Variants in TENM3 observed in about 807,000 individuals in gnomAD.
The protein encoded by TENM3 is teneurin transmembrane protein 3.
Under a neutral mutation model 255.1 loss-of-function variants are expected in TENM3, and 63 were observed. The ratio of observed to expected loss-of-function variants is 0.25; its 90% confidence interval spans 0.20 to 0.30. TENM3 has a LOEUF of 0.30. TENM3 is among the 10% of genes least tolerant of loss of function. The probability of loss-of-function intolerance (pLI) is 1.00; values close to 1 mark genes in which losing one functional copy is unlikely to be tolerated. For missense variants in TENM3, 2,929 were observed against 3,461.1 expected, an observed-to-expected ratio of 0.85 and a Z score of 3.86; for synonymous variants, 1,306 against 1,322.3, an observed-to-expected ratio of 0.99 and a Z score of 0.27.
chr4:181,549,038 T>C, the TENM3 span, among the ~76,000 whole-genome samples: 95,563 of 152,026 alleles, frequency 0.63, 30,552 homozygotes, highest in Non-Finnish European at 0.69. Context: ...GGTAACACAT[T>C]CTTCACAAAC....
chr4:181,784,569 G>C, the TENM3 span, among the ~76,000 whole-genome samples: 1 of 151,968 alleles, frequency 6.6e-6, no homozygotes, highest in East Asian at 1.9e-4. Flanking sequence ...TTCCAACTGT[G>C]TTTTGTCCTT....
chr4:181,828,251 C>G, the TENM3 span, among the ~76,000 whole-genome samples: 1 of 152,226 alleles, frequency 6.6e-6, no homozygotes, highest in Non-Finnish European at 1.5e-5. Context: ...TCTGCCGCCC[C>G]TGACTGCGGC....
At chr4:182,288,339 G>A (rs1760886131) in intron 1 of TENM3, among the ~76,000 whole-genome samples, 1 of 152,150 alleles carries the variant, frequency 6.6e-6, no homozygotes, top group Admixed American at 6.5e-5. Context: ...CAAGGTGCTG[G>A]GATTATAGGA....
intron 3 of TENM3, among the ~76,000 whole-genome samples, chr4:182,402,489 G>A (rs551729380): frequency 1.4e-4 from 22 of 152,236 alleles, no homozygotes; most frequent in Non-Finnish European, 2.9e-4. Context: ...CTGGGCCAAC[G>A]TAGACGTAGC....
chr4:182,741,330 T>G (rs573768263), intron 18 of TENM3, among the ~76,000 whole-genome samples: 1 of 152,254 alleles, frequency 6.6e-6, no homozygotes, highest in East Asian at 1.9e-4. Context: ...ATAAACAAAG[T>G]GATTTGTAGT....
At chr4:181,727,474 G>A in the TENM3 span, among the ~76,000 whole-genome samples, 1 of 152,070 alleles carries the variant, frequency 6.6e-6, no homozygotes, top group African/African-American at 2.4e-5. Context: ...AGGAATCATG[G>A]ACAAAACCCA....
chr4:182,090,236 C>A, the TENM3 span, among the ~76,000 whole-genome samples: 2 of 152,166 alleles, frequency 1.3e-5, no homozygotes, highest in African/African-American at 2.4e-5. Context: ...AAATAAAACA[C>A]AGCCCCAGTC....
the TENM3 span, among the ~76,000 whole-genome samples, chr4:181,651,467 A>C: frequency 1.9e-4 from 29 of 152,240 alleles, no homozygotes; most frequent in East Asian, 1.4e-3. Context: ...ATGTGCCTGT[A>C]ATCTCAGCTA....
chr4:181,526,546 T>C, the TENM3 span, among the ~76,000 whole-genome samples: 1 of 152,200 alleles, frequency 6.6e-6, no homozygotes, highest in Non-Finnish European at 1.5e-5. Context: ...AAGGGGTTCA[T>C]CTTATCTATC....
chr4:181,580,656 C>T, the TENM3 span, among the ~76,000 whole-genome samples: 1 of 151,952 alleles, frequency 6.6e-6, no homozygotes, highest in South Asian at 2.1e-4. Flanking sequence ...GAGGAGAGAT[C>T]GTACAGTAAT....
chr4:181,964,089 C>A, the TENM3 span, among the ~76,000 whole-genome samples: 5 of 135,980 alleles, frequency 3.7e-5, no homozygotes, highest in East Asian at 1.1e-3. Flanking sequence ...TTTTTGAGGT[C>A]TCTCCCAAAA....
the TENM3 span, among the ~76,000 whole-genome samples, chr4:182,009,422 C>A: frequency 6.6e-6 from 1 of 151,946 alleles, no homozygotes; most frequent in African/African-American, 2.4e-5. Flanking sequence ...GAGCCTCTGG[C>A]TGGAGTTATT....
chr4:182,399,500 C>T (rs1769082664), intron 3 of TENM3, among the ~76,000 whole-genome samples: 3 of 152,218 alleles, frequency 2.0e-5, no homozygotes, highest in South Asian at 4.2e-4. Context: ...CATATTTCTG[C>T]GTGTGAAAAT....
intron 3 of TENM3, among the ~76,000 whole-genome samples, chr4:182,581,283 TAA>T (rs1745466890): frequency 1.3e-5 from 2 of 152,284 alleles, no homozygotes; most frequent in South Asian, 4.1e-4. Flanking sequence ...AGTAAGAAAT[TAA>T]AGAGTTACCG....
the TENM3 span, among the ~76,000 whole-genome samples, chr4:181,731,727 G>T: frequency 6.6e-6 from 1 of 152,222 alleles, no homozygotes; most frequent in Admixed American, 6.5e-5. Context: ...GTCCCCCAAA[G>T]GTGACTGATT....
At chr4:181,788,229 T>C in the TENM3 span, among the ~76,000 whole-genome samples, 2 of 152,202 alleles carry the variant, frequency 1.3e-5, no homozygotes, top group African/African-American at 4.8e-5. Context: ...ATGATGATTA[T>C]CATCATCCCT....
At chr4:181,582,669 C>CAAAAAAAAAAAAAAAAAAGAAAAAAAAAA in the TENM3 span, among the ~76,000 whole-genome samples, 1 of 124,754 alleles carries the variant, frequency 8.0e-6, no homozygotes, top group African/African-American at 3.1e-5. Flanking sequence ...CAAAACAAAT[C>CAAAAAAAAAAAAAAAAAAGAAAAAAAAAA]AAAAAAAAAA....
chr4:181,995,047 G>A, the TENM3 span, among the ~76,000 whole-genome samples: 1 of 152,180 alleles, frequency 6.6e-6, no homozygotes, highest in Non-Finnish European at 1.5e-5. Context: ...CCAGCACTTT[G>A]AGAAGCTGAG....
intron 1 of TENM3, among the ~76,000 whole-genome samples, chr4:182,253,089 CTT>C (rs1758134508): frequency 6.6e-6 from 1 of 152,332 alleles, no homozygotes; most frequent in Non-Finnish European, 1.5e-5. Flanking sequence ...CTTTATCTCT[CTT>C]GTGTCACATT....
Sources: allele counts gnomAD v4.1 joint callset (sites outside exome capture counted in the v4.1 genomes callset), GRCh38; gene constraint gnomAD v4.1.1; transcripts MANE v1.5; gene names NCBI Gene and HGNC (gene_info 2026-07-23, HGNC 2026-07-21).